Variants in ATP8A2 observed in about 807,000 individuals in gnomAD.
The protein encoded by ATP8A2 is phospholipid-transporting ATPase IB.
A neutral mutation model predicts 165.6 loss-of-function variants in ATP8A2; 100 were observed. The ratio of observed to expected loss-of-function variants is 0.60; its 90% CI spans 0.51 to 0.71. The LOEUF (loss-of-function observed/expected upper bound fraction) is 0.71. Ranked by LOEUF, ATP8A2 falls within the 30% of genes least tolerant of loss-of-function variation. The pLI is 0.00. For missense variants in ATP8A2, 1,227 were observed against 1,479.5 expected (o/e 0.83, Z 2.80); for synonymous variants, 543 against 548.8 (o/e 0.99, Z 0.15).
At chr13:25,862,258 G>A (rs1952377988) in intron 32 of ATP8A2, 43 bp from the exon 33 acceptor site, 1 of 1,464,110 alleles carries the variant, frequency 6.8e-7, no homozygotes, top group Non-Finnish European at 9.6e-7. Flanking sequence ...GAATCTGCCA[G>A]GCTGGTCGAG....
chr13:25,691,333 C>G (rs541351852), intron 24 of ATP8A2, among the ~76,000 whole-genome samples: 5 of 152,118 alleles, frequency 3.3e-5, no homozygotes, highest in Non-Finnish European at 1.5e-5. Context: ...AATGGGTCAG[C>G]TTTATTGTAT....
At chr13:25,862,532 C>G in intron 33 of ATP8A2, 124 bp downstream of exon 33, 1 of 704,598 alleles carries the variant, frequency 1.4e-6, no homozygotes, top group Non-Finnish European at 2.5e-6. Context: ...CTGGTCCTTC[C>G]TGCTTCCATC....
chr13:25,531,021 G>C (rs2038014483), intron 4 of ATP8A2, among the ~76,000 whole-genome samples: 1 of 151,696 alleles, frequency 6.6e-6, no homozygotes, highest in Non-Finnish European at 1.5e-5. Context: ...AATTTTACAA[G>C]AATCTTCTCC....
intron 25 of ATP8A2, among the ~76,000 whole-genome samples, chr13:25,742,488 A>T (rs2043935214): frequency 6.6e-6 from 1 of 152,142 alleles, no homozygotes; most frequent in Non-Finnish European, 1.5e-5. Context: ...CTAGAAACTG[A>T]GGCTGTGTGC....
At chr13:25,405,081 C>T (rs180767380) in intron 1 of ATP8A2, among the ~76,000 whole-genome samples, 3 of 152,180 alleles carry the variant, frequency 2.0e-5, no homozygotes, top group Non-Finnish European at 2.9e-5. Flanking sequence ...CAAACGCTGC[C>T]GGGCTGGTCA....
chr13:25,566,806 C>T (rs998651151), intron 16 of ATP8A2, among the ~76,000 whole-genome samples: 6 of 152,058 alleles, frequency 3.9e-5, no homozygotes, highest in Non-Finnish European at 5.9e-5. Context: ...GGGGAAGAGA[C>T]GAATAAAAAA....
chr13:25,914,774 G>C (rs1025205163), intron 33 of ATP8A2, among the ~76,000 whole-genome samples: 1 of 152,198 alleles, frequency 6.6e-6, no homozygotes, highest in African/African-American at 2.4e-5. Flanking sequence ...GAGGGGCTTC[G>C]CAGTGCTCCC....
chr13:25,521,612 T>G (rs1021509226), intron 2 of ATP8A2, among the ~76,000 whole-genome samples: 1 of 152,204 alleles, frequency 6.6e-6, no homozygotes, highest in African/African-American at 2.4e-5. Context: ...TTTCCCGGCA[T>G]CATTTATTGA....
intron 24 of ATP8A2, among the ~76,000 whole-genome samples, chr13:25,594,846 G>C (rs781368308): frequency 4.6e-5 from 7 of 152,054 alleles, no homozygotes; most frequent in Non-Finnish European, 1.0e-4. Context: ...TCTACCCAGA[G>C]GAAAAGAAGT....
At chr13:25,455,972 G>A (rs778995395) in intron 1 of ATP8A2, among the ~76,000 whole-genome samples, 4 of 152,144 alleles carry the variant, frequency 2.6e-5, no homozygotes, top group Non-Finnish European at 5.9e-5. Flanking sequence ...AGCAGAGCTA[G>A]GAAGGTCTTT....
chr13:25,623,928 T>TAC (rs747231165), intron 24 of ATP8A2, among the ~76,000 whole-genome samples: 4 of 152,148 alleles, frequency 2.6e-5, no homozygotes, highest in Non-Finnish European at 4.4e-5. Context: ...TGCATATATA[T>TAC]ACATGCATAA....
chr13:25,730,500 T>C (rs2043597049), intron 25 of ATP8A2, among the ~76,000 whole-genome samples: 2 of 152,284 alleles, frequency 1.3e-5, no homozygotes, highest in South Asian at 2.1e-4. Flanking sequence ...CTAGAGCTCA[T>C]AGGGTAGCTT....
At chr13:25,839,499 C>A in intron 29 of ATP8A2, 47 bp from the exon 30 acceptor site, 1 of 1,393,598 alleles carries the variant, frequency 7.2e-7, no homozygotes, top group Non-Finnish European at 1.0e-6. Context: ...TCACAGAGGT[C>A]AAGCGTTTTG....
At position 25,395,991 on chromosome 13, in the gene ATP8A2, G is replaced by A. The variant is rs536078695; in HGVS notation, c.76+23703G>A. On this transcript the variant is annotated intron_variant, in intron 1 of 36. Coordinates refer to ENST00000381655, the MANE Select transcript of ATP8A2 (RefSeq NM_016529.6). ...CCTGAGTAGCTGGGACTACAGGTGT[G>A]CATCACCATGCCCAGCTAATTTTTT... Among the ~76,000 whole-genome samples, 311 of 152,136 alleles carry A rather than the reference G, an allele frequency of 2.0e-3. 1 individual carries two copies. The highest frequency in any genetic ancestry group is 6.8e-3 in the Middle Eastern group (2 of 294).
In ATP8A2 at chr13:25,720,841, T is replaced by C. The variant is rs576733465; in HGVS notation, c.2384+21496T>C. ...TAAGAACTTCATGCAACTTGTCTTA[T>C]TATAGCCTCATAAAAACCCTGTGGG... On this transcript the variant is annotated intron_variant, in intron 25 of 36. Coordinates refer to ENST00000381655, the MANE Select transcript of ATP8A2 (RefSeq NM_016529.6). Among the ~76,000 whole-genome samples, 43 of 152,334 alleles carry C rather than the reference T, an allele frequency of 2.8e-4. No homozygotes were observed. In the South Asian group the frequency reaches 8.3e-3, roughly 29 times the overall value.
chr13:25,545,196 C>T (rs1024086942), intron 10 of ATP8A2, among the ~76,000 whole-genome samples: 3 of 151,732 alleles, frequency 2.0e-5, no homozygotes, highest in East Asian at 1.9e-4. Context: ...TGAAGCAAGG[C>T]GGGAGGGCTC....
At chr13:25,617,775 G>A (rs984141138) in intron 24 of ATP8A2, among the ~76,000 whole-genome samples, 3 of 152,018 alleles carry the variant, frequency 2.0e-5, no homozygotes, top group Non-Finnish European at 2.9e-5. Context: ...AAAAATTCAC[G>A]CAGTTCTGGG....
At chr13:25,426,665 G>A (rs563943009) in intron 1 of ATP8A2, among the ~76,000 whole-genome samples, 16 of 152,196 alleles carry the variant, frequency 1.1e-4, no homozygotes, top group Admixed American at 7.9e-4. Context: ...TATCAGGGCC[G>A]GGCACGGTGG....
At chr13:25,450,661 A>G (rs1299715512) in intron 1 of ATP8A2, among the ~76,000 whole-genome samples, 2 of 152,016 alleles carry the variant, frequency 1.3e-5, no homozygotes, top group Admixed American at 6.5e-5. Flanking sequence ...CCTCCCGAGT[A>G]GCTGGGACTA....
Sources: allele counts gnomAD v4.1 joint callset (sites outside exome capture counted in the v4.1 genomes callset), GRCh38; gene constraint gnomAD v4.1.1; transcripts MANE v1.5; gene names NCBI Gene and HGNC (gene_info 2026-07-23, HGNC 2026-07-21).